The following THSD7B variants were observed in gnomAD, a reference collection of about 807,000 sequenced individuals.
The protein encoded by THSD7B is thrombospondin type-1 domain-containing protein 7B.
A neutral mutation model predicts 213.6 loss-of-function variants in THSD7B; 138 were observed. That is an observed-to-expected ratio of 0.65 (90% CI 0.56 to 0.74). The LOEUF (loss-of-function observed/expected upper bound fraction) is 0.74, where lower values mean the gene tolerates loss of function less well. THSD7B is among the 30% of genes least tolerant of loss of function. The probability of loss-of-function intolerance (pLI) is 0.00; values close to 1 mark genes in which losing one functional copy is unlikely to be tolerated. For missense variants in THSD7B, 1,931 were observed against 1,991.5 expected (o/e 0.97, Z 0.58); for synonymous variants, 742 against 687.0 (o/e 1.08, Z -1.25).
chr2:136,807,058 C>T (rs1418427180), intron 1 of THSD7B, among the ~76,000 whole-genome samples: 1 of 152,204 alleles, frequency 6.6e-6, no homozygotes, highest in African/African-American at 2.4e-5. Flanking sequence ...TGAGTCATCA[C>T]TATTGATGTT....
At chr2:137,385,841 A>G (rs1000840378) in intron 12 of THSD7B, among the ~76,000 whole-genome samples, 1 of 152,202 alleles carries the variant, frequency 6.6e-6, no homozygotes, top group Non-Finnish European at 1.5e-5. Context: ...ATGAAGGTGT[A>G]TTTGTGAAGG....
chr2:136,798,764 G>A (rs1558808631), intron 1 of THSD7B, among the ~76,000 whole-genome samples: 1 of 151,940 alleles, frequency 6.6e-6, no homozygotes, highest in South Asian at 2.1e-4. Flanking sequence ...GTGGAACTTA[G>A]TTAAAACAAA....
rs1407154386 is a variant in THSD7B at position 136,951,865 on chromosome 2, GGTTT to G, written c.139+69557_139+69560del. Among the ~76,000 whole-genome samples, 26 of 151,960 alleles carry G rather than the reference GGTTT, an allele frequency of 1.7e-4. 1 individual carries two copies. The highest frequency in any genetic ancestry group is 1.7e-3 in the Admixed American group (26 of 15,250). On this transcript the variant is annotated intron_variant, in intron 2 of 27. Coordinates refer to ENST00000409968, the MANE Select transcript of THSD7B (RefSeq NM_001316349.2). ...AGTTTTTTTAAAATTTATTTTTATT[GGTTT>G]GTTTGTTTTTGTTTTTTTGAGATGG... is the stretch of plus-strand genomic sequence containing the variant.
intron 15 of THSD7B, among the ~76,000 whole-genome samples, chr2:137,474,252 T>TTATG (rs1252645420): frequency 6.6e-6 from 1 of 152,208 alleles, no homozygotes; most frequent in East Asian, 1.9e-4. Flanking sequence ...GAAATTTACT[T>TTATG]TATGTGCCAT....
At chr2:137,635,282 G>T (rs1338755635) in intron 20 of THSD7B, among the ~76,000 whole-genome samples, 2 of 152,082 alleles carry the variant, frequency 1.3e-5, no homozygotes, top group Non-Finnish European at 2.9e-5. Context: ...TCAGCATATT[G>T]TCCATATTTA....
chr2:137,451,520 ACT>A (rs1432839339), intron 15 of THSD7B, among the ~76,000 whole-genome samples: 2 of 151,906 alleles, frequency 1.3e-5, no homozygotes, highest in African/African-American at 4.8e-5. Context: ...ATCTTCCACA[ACT>A]CTATAAATCT....
intron 20 of THSD7B, among the ~76,000 whole-genome samples, chr2:137,624,643 C>A (rs1682588581): frequency 1.3e-5 from 2 of 152,256 alleles, no homozygotes; most frequent in South Asian, 2.1e-4. Flanking sequence ...AATCAAACAA[C>A]CTCATCAACA....
chr2:136,864,159 CCA>C (rs1184207040), intron 1 of THSD7B, among the ~76,000 whole-genome samples: 1 of 152,178 alleles, frequency 6.6e-6, no homozygotes, highest in Non-Finnish European at 1.5e-5. Context: ...TTGCCAAAAT[CCA>C]CACAGTTCAG....
At position 137,616,261 on chromosome 2, in the gene THSD7B, G is replaced by T. The variant is rs150657202; in HGVS notation, c.3510G>T (p.Gln1170His). 3.9e-3 allele frequency: 6,324 copies of T among 1,613,702 alleles called. 18 individuals carry two copies. Among genetic ancestry groups the T allele is most frequent in the Non-Finnish European group, 4.9e-3 (5,739 of 1,179,714 alleles). The part of the protein sequence containing the change: ...LNSRTCAEDS[Q>H]VQPCLLNENC... Reference sequence around the variant, plus strand: ...CAAGGACTTGTGCTGAAGACTCACAGGTGCAGCCTTGCCTCCTGAATGAAA... The same window carrying T: ...CAAGGACTTGTGCTGAAGACTCACATGTGCAGCCTTGCCTCCTGAATGAAA... Residue 1170 changes from glutamine (Q) to histidine (H), a missense_variant, in exon 18 of 28, where the codon CAG becomes CAT. Physicochemically the swap from Gln to His is conservative, Grantham distance 24. Transcript: ENST00000409968.
chr2:137,488,540 T>C (rs1407956703), intron 15 of THSD7B, among the ~76,000 whole-genome samples: 1 of 152,180 alleles, frequency 6.6e-6, no homozygotes, highest in African/African-American at 2.4e-5. Flanking sequence ...TTATCAATGA[T>C]TGATGATGAA....
At chr2:137,147,556 A>G (rs1269146689) in intron 5 of THSD7B, among the ~76,000 whole-genome samples, 2 of 151,132 alleles carry the variant, frequency 1.3e-5, no homozygotes, top group African/African-American at 4.9e-5. Context: ...GTCCCTTATA[A>G]AGAGGTTTAA....
At chr2:137,199,301 T>C (rs1029601534) in intron 7 of THSD7B, among the ~76,000 whole-genome samples, 3 of 152,156 alleles carry the variant, frequency 2.0e-5, no homozygotes, top group Admixed American at 2.0e-4. Flanking sequence ...TCTAAAAATA[T>C]GAAGTATAGA....
At chr2:136,902,699 A>G (rs1226670374) in intron 2 of THSD7B, among the ~76,000 whole-genome samples, 1 of 152,246 alleles carries the variant, frequency 6.6e-6, no homozygotes, top group African/African-American at 2.4e-5. Flanking sequence ...TCAATGATTC[A>G]GAAGAGGGTT....
At chr2:137,178,957 A>G (rs575451047) in intron 7 of THSD7B, among the ~76,000 whole-genome samples, 1 of 152,284 alleles carries the variant, frequency 6.6e-6, no homozygotes, top group South Asian at 2.1e-4. Flanking sequence ...CCAGACTTTA[A>G]TATTTAGAAA....
chr2:137,359,058 T>C (rs1685197599), intron 12 of THSD7B, among the ~76,000 whole-genome samples: 1 of 152,242 alleles, frequency 6.6e-6, no homozygotes, highest in African/African-American at 2.4e-5. Context: ...AATCTCTTAA[T>C]ATAGCCCACA....
At position 137,160,299 on chromosome 2, in the gene THSD7B, A is replaced by C. The variant is rs777999154; in HGVS notation, c.1456A>C (p.Ile486Leu). The change falls in exon 6 of 28, where the codon ATA (isoleucine) becomes CTA (leucine). Residue 486 changes from isoleucine to leucine, a missense_variant. Physicochemically the swap from Ile to Leu is conservative, Grantham distance 5. Coordinates refer to ENST00000409968, the MANE Select transcript of THSD7B (RefSeq NM_001316349.2). ...CAATATCCCTTGCTCTACGGACTGC[A>C]TAGTATCTTCCTGGTCAGCCTGGGG... ...LCNIPCSTDCIVSSWSAWGLC... is the reference protein window; with the variant it reads ...LCNIPCSTDCLVSSWSAWGLC... 1 of 1,613,686 alleles carries C rather than the reference A, an allele frequency of 6.2e-7. No individual in the cohort carries two copies. Among genetic ancestry groups the C allele is most frequent in the Non-Finnish European group, 8.5e-7 (1 of 1,179,730 alleles).
chr2:137,115,076 T>C, intron 4 of THSD7B, 48 bp from the exon 5 acceptor site: 1 of 1,608,446 alleles, frequency 6.2e-7, no homozygotes, highest in Non-Finnish European at 8.5e-7. Flanking sequence ...CAGAGTTGTA[T>C]ATTTTTCTTA....
At chr2:137,020,441 T>C (rs1350538586) in intron 2 of THSD7B, among the ~76,000 whole-genome samples, 1 of 152,194 alleles carries the variant, frequency 6.6e-6, no homozygotes, top group African/African-American at 2.4e-5. Context: ...TATTTTCTCC[T>C]AGCCTGATCT....
At chr2:137,659,989 G>T (rs1683313045) in intron 25 of THSD7B, among the ~76,000 whole-genome samples, 1 of 151,990 alleles carries the variant, frequency 6.6e-6, no homozygotes, top group South Asian at 2.1e-4. Context: ...ATTTATGTTA[G>T]CTCTATTTAC....
Sources: gnomAD v4.1 joint callset for allele counts (sites outside exome capture counted in the v4.1 genomes callset) on GRCh38, gnomAD v4.1.1 for gene constraint, MANE v1.5 for transcripts, NCBI Gene and HGNC (gene_info 2026-07-23, HGNC 2026-07-21) for gene names.